SLC9D1: variants seen among roughly 807,000 people sequenced by gnomAD.
SLC9D1 encodes solute carrier family 9 member D1, also known as putative LAG1-interacting protein.
At chr13:113,508,479 A>C in the SLC9D1 span, among the ~76,000 whole-genome samples, 2 of 152,226 alleles carry the variant, frequency 1.3e-5, no homozygotes, top group Non-Finnish European at 2.9e-5. Flanking sequence ...CTCTGTGATA[A>C]CCATCACAAT....
At chr13:113,496,705 C>T in the SLC9D1 span, among the ~76,000 whole-genome samples, 2 of 152,242 alleles carry the variant, frequency 1.3e-5, no homozygotes, top group Middle Eastern at 3.4e-3. Context: ...ACAGCATAAA[C>T]GTTAGAGAAA....
the SLC9D1 span, chr13:113,501,797 T>G: frequency 1.2e-6 from 2 of 1,610,478 alleles, no homozygotes; most frequent in Admixed American, 3.3e-5. Context: ...TGGCTGGCTA[T>G]GTACAGCCAT....
the SLC9D1 span, chr13:113,503,613 T>C: frequency 3.3e-6 from 5 of 1,494,244 alleles, no homozygotes; most frequent in South Asian, 5.7e-5. Context: ...AACCTGTTAC[T>C]GCAGCTAAGG....
the SLC9D1 span, among the ~76,000 whole-genome samples, chr13:113,507,536 A>C: frequency 6.6e-6 from 1 of 152,276 alleles, no homozygotes; most frequent in African/African-American, 2.4e-5. Flanking sequence ...ATATGATTAG[A>C]AACTACTTGG....
the SLC9D1 span, among the ~76,000 whole-genome samples, chr13:113,516,778 G>T: frequency 6.6e-6 from 1 of 152,124 alleles, no homozygotes; most frequent in South Asian, 2.1e-4. Context: ...TCCAGTAAAT[G>T]TGTAACTCCA....
the SLC9D1 span, chr13:113,547,528 C>T: frequency 5.0e-5 from 32 of 640,912 alleles, no homozygotes; most frequent in Non-Finnish European, 6.7e-5. Flanking sequence ...CACTGGACCC[C>T]GGGGGAGGCA....
the SLC9D1 span, chr13:113,548,313 C>A: frequency 6.2e-7 from 1 of 1,613,858 alleles, no homozygotes. Context: ...TTTCTCCTGG[C>A]GGCGCTGGTC....
At chr13:113,509,851 A>G in the SLC9D1 span, among the ~76,000 whole-genome samples, 2 of 152,194 alleles carry the variant, frequency 1.3e-5, no homozygotes, top group African/African-American at 4.8e-5. Flanking sequence ...GCCGAGCCAC[A>G]GGGCCTGGGT....
chr13:113,519,202 C>T, the SLC9D1 span, among the ~76,000 whole-genome samples: 1 of 152,086 alleles, frequency 6.6e-6, no homozygotes, highest in African/African-American at 2.4e-5. Flanking sequence ...CGCCACCATG[C>T]CCAGCTAATT....
At chr13:113,491,049 G>C in the SLC9D1 span, 1 of 157,166 alleles carries the variant, frequency 6.4e-6, no homozygotes, top group Non-Finnish European at 1.4e-5. Context: ...GGCTGAGCGG[G>C]GGCGGTGCTG....
chr13:113,518,286 G>C, the SLC9D1 span, among the ~76,000 whole-genome samples: 1 of 152,172 alleles, frequency 6.6e-6, no homozygotes, highest in South Asian at 2.1e-4. Context: ...CTCGTGAGCA[G>C]TGTTTCCTGC....
At chr13:113,503,079 A>G in the SLC9D1 span, among the ~76,000 whole-genome samples, 1 of 152,242 alleles carries the variant, frequency 6.6e-6, no homozygotes, top group Non-Finnish European at 1.5e-5. Context: ...ATAAAACACC[A>G]GAGGTGAAAA....
chr13:113,495,927 G>T, the SLC9D1 span: 18 of 1,614,020 alleles, frequency 1.1e-5, no homozygotes, highest in Non-Finnish European at 1.5e-5. Context: ...AGCTGTCTAC[G>T]GACTGCAGAG....
At chr13:113,495,977 GGA>G in the SLC9D1 span, 3 of 1,613,438 alleles carry the variant, frequency 1.9e-6, no homozygotes, top group Non-Finnish European at 2.5e-6. Context: ...TGAACATGAA[GGA>G]GAGCAGCCGG....
the SLC9D1 span, among the ~76,000 whole-genome samples, chr13:113,537,215 A>G: frequency 1.3e-5 from 2 of 152,244 alleles, no homozygotes; most frequent in Non-Finnish European, 2.9e-5. Flanking sequence ...TGAAATTCAC[A>G]TAAAATTCGC....
At chr13:113,503,446 T>C in the SLC9D1 span, 40 of 1,446,928 alleles carry the variant, frequency 2.8e-5, no homozygotes, top group Non-Finnish European at 3.8e-5. Flanking sequence ...TAAGTATACT[T>C]AATATGTTAA....
chr13:113,495,835 C>T, the SLC9D1 span: 17 of 1,613,968 alleles, frequency 1.1e-5, no homozygotes, highest in Admixed American at 5.0e-5. Context: ...GTGGGCCTGT[C>T]GGATGAAGAG....
chr13:113,495,932 G>A, the SLC9D1 span: 21 of 1,614,078 alleles, frequency 1.3e-5, no homozygotes, highest in Non-Finnish European at 1.8e-5. Flanking sequence ...TCTACGGACT[G>A]CAGAGAGCCC....
chr13:113,523,532 C>A, the SLC9D1 span, among the ~76,000 whole-genome samples: 1 of 152,142 alleles, frequency 6.6e-6, no homozygotes, highest in Admixed American at 6.5e-5. Context: ...TGATAACTTG[C>A]ATCATCTTTG....
Sources: allele counts gnomAD v4.1 joint callset (sites outside exome capture counted in the v4.1 genomes callset), GRCh38; gene constraint gnomAD v4.1.1; transcripts MANE v1.5; gene names NCBI Gene and HGNC (gene_info 2026-07-23, HGNC 2026-07-21).